The following ADGRL3 variants were observed in gnomAD, a reference collection of about 807,000 sequenced individuals.
ADGRL3 encodes the protein adhesion G protein-coupled receptor L3, also known as calcium-independent alpha-latrotoxin receptor 3.
ADGRL3 carries 62 observed loss-of-function variants against 153.5 expected under a neutral mutation model. The ratio of observed to expected loss-of-function variants is 0.40; its 90% CI spans 0.33 to 0.50. ADGRL3 has a LOEUF of 0.50. Among genes scored for constraint, ADGRL3 ranks in the 20% least tolerant of loss-of-function variants. The probability of loss-of-function intolerance (pLI) is 0.47; values close to 1 mark genes in which losing one functional copy is unlikely to be tolerated. For synonymous variants in ADGRL3, 710 were observed against 672.5 expected, an observed-to-expected ratio of 1.06 and a Z score of -0.86; for missense variants, 1,641 against 1,859.4, an observed-to-expected ratio of 0.88 and a Z score of 2.16.
chr4:61,955,905 A>G (rs536402207), intron 17 of ADGRL3, among the ~76,000 whole-genome samples: 3 of 152,284 alleles, frequency 2.0e-5, no homozygotes, highest in Non-Finnish European at 4.4e-5. Context: ...CATGGTGCAT[A>G]TGTACCACAT....
chr4:61,918,875 C>T (rs1041839949), intron 13 of ADGRL3, among the ~76,000 whole-genome samples: 1 of 152,168 alleles, frequency 6.6e-6, no homozygotes, highest in Non-Finnish European at 1.5e-5. Context: ...TGCTATTGCA[C>T]CTTTGACAAA....
chr4:61,297,604 A>C (rs2094451455), intron 1 of ADGRL3, among the ~76,000 whole-genome samples: 1 of 151,942 alleles, frequency 6.6e-6, no homozygotes, highest in African/African-American at 2.4e-5. Context: ...TATGACTTTA[A>C]TTGAAGGCAC....
At chr4:61,876,246 C>A (rs112195597) in intron 9 of ADGRL3, among the ~76,000 whole-genome samples, 1,600 of 150,726 alleles carry the variant, frequency 0.011, 21 homozygotes, top group African/African-American at 0.037. Flanking sequence ...GCTGGATGCT[C>A]AATATTACAG....
At chr4:61,973,270 T>G (rs1186972397) in intron 17 of ADGRL3, among the ~76,000 whole-genome samples, 1 of 152,208 alleles carries the variant, frequency 6.6e-6, no homozygotes, top group African/African-American at 2.4e-5. Context: ...CTTAGTATCA[T>G]TGAGTGTACC....
Position 61,409,459 on chromosome 4 carries a change from T to A in ADGRL3, c.-174+26270T>A, listed in dbSNP as rs2097057079. 2.7e-5 allele frequency among the ~76,000 whole-genome samples: 4 copies of A among 147,592 alleles called. No homozygotes were observed. The South Asian group carries it at 8.4e-4, about 31-fold the overall frequency. ...ATCTCATTCCAAGCTTTCCTTTTCA[T>A]ATTTATCAAACAGGATATATTTCAT... On this transcript the variant is annotated intron_variant, in intron 2 of 26. Transcript: ENST00000683033.
chr4:61,727,647 A>G (rs986010175), intron 6 of ADGRL3, among the ~76,000 whole-genome samples: 3 of 152,104 alleles, frequency 2.0e-5, no homozygotes, highest in Non-Finnish European at 2.9e-5. Flanking sequence ...TTTTGCCAAT[A>G]TAACCCACAA....
chr4:61,611,452 T>C (rs927273193), intron 5 of ADGRL3, among the ~76,000 whole-genome samples: 17 of 152,196 alleles, frequency 1.1e-4, no homozygotes, highest in East Asian at 3.9e-4. Context: ...ATAGTAGCTA[T>C]AGTAAATTTA....
intron 1 of ADGRL3, among the ~76,000 whole-genome samples, chr4:61,375,926 T>A (rs1018945820): frequency 6.6e-6 from 1 of 152,128 alleles, no homozygotes; most frequent in Non-Finnish European, 1.5e-5. Flanking sequence ...TGAGAACACA[T>A]GTTTTCTTTC....
intron 13 of ADGRL3, among the ~76,000 whole-genome samples, chr4:61,924,923 C>G (rs2098788039): frequency 6.6e-6 from 1 of 152,078 alleles, no homozygotes; most frequent in Admixed American, 6.6e-5. Flanking sequence ...TATTTGCTTC[C>G]CTTGCCAGAA....
chr4:61,861,911 CT>C (rs2098343988), intron 9 of ADGRL3, among the ~76,000 whole-genome samples: 2 of 152,110 alleles, frequency 1.3e-5, no homozygotes, highest in South Asian at 4.1e-4. Flanking sequence ...GTAGGATTGA[CT>C]TCACAACACA....
intron 10 of ADGRL3, among the ~76,000 whole-genome samples, chr4:61,893,868 C>G (rs896876913): frequency 6.6e-6 from 1 of 151,740 alleles, no homozygotes; most frequent in Non-Finnish European, 1.5e-5. Flanking sequence ...CCACCATGCC[C>G]GGCTAATTCT....
intron 8 of ADGRL3, among the ~76,000 whole-genome samples, chr4:61,758,236 A>C (rs1415801289): frequency 6.6e-6 from 1 of 150,954 alleles, no homozygotes; most frequent in Admixed American, 6.6e-5. Context: ...ATTCCTGGAT[A>C]TCCCTTTCTG....
At chr4:61,399,499 A>G (rs539370788) in intron 2 of ADGRL3, among the ~76,000 whole-genome samples, 15 of 151,774 alleles carry the variant, frequency 9.9e-5, no homozygotes, top group Non-Finnish European at 1.9e-4. Flanking sequence ...TTAATTTTCA[A>G]GTTCTGTTTT....
intron 11 of ADGRL3, among the ~76,000 whole-genome samples, chr4:61,908,979 A>C (rs2149804198): frequency 6.6e-6 from 1 of 152,318 alleles, no homozygotes; most frequent in South Asian, 2.1e-4. Context: ...ATCAGCATGT[A>C]GTTTCAGAGA....
At chr4:61,809,364 A>G (rs1165045460) in intron 8 of ADGRL3, among the ~76,000 whole-genome samples, 3 of 152,182 alleles carry the variant, frequency 2.0e-5, no homozygotes, top group Non-Finnish European at 4.4e-5. Flanking sequence ...AAATATGCAT[A>G]GAATTTAAAA....
intron 1 of ADGRL3, among the ~76,000 whole-genome samples, chr4:61,318,443 G>A (rs755011170): frequency 2.4e-4 from 36 of 152,036 alleles, no homozygotes; most frequent in Admixed American, 7.9e-4. Context: ...TATCTGCCTT[G>A]CCTTTATCTC....
chr4:61,761,319 A>G (rs1465506741), intron 8 of ADGRL3, among the ~76,000 whole-genome samples: 1 of 152,214 alleles, frequency 6.6e-6, no homozygotes, highest in Non-Finnish European at 1.5e-5. Context: ...TAAATTATAA[A>G]CTAAGTTCCT....
At chr4:61,494,756 C>T (rs1234293978) in intron 2 of ADGRL3, among the ~76,000 whole-genome samples, 1 of 151,820 alleles carries the variant, frequency 6.6e-6, no homozygotes, top group Non-Finnish European at 1.5e-5. Flanking sequence ...AGCTTTGTTT[C>T]CCATAATATC....
intron 19 of ADGRL3, among the ~76,000 whole-genome samples, chr4:61,993,624 A>G (rs775242730): frequency 1.3e-5 from 2 of 152,064 alleles, no homozygotes; most frequent in South Asian, 2.1e-4. Flanking sequence ...GGAAAATACA[A>G]TTACGATCTT....
Sources: gnomAD v4.1 joint callset for allele counts (sites outside exome capture counted in the v4.1 genomes callset) on GRCh38, gnomAD v4.1.1 for gene constraint, MANE v1.5 for transcripts, NCBI Gene and HGNC (gene_info 2026-07-23, HGNC 2026-07-21) for gene names.